COA1: variants seen among roughly 807,000 people sequenced by gnomAD.
The protein encoded by COA1 is cytochrome c oxidase assembly factor 1 homolog.
In COA1, 13 loss-of-function variants were observed where a neutral mutation model predicts 16.0. The observed-to-expected ratio is 0.81, with a 90% confidence interval of 0.53 to 1.29. The LOEUF is 1.29. Among genes scored for constraint, COA1 ranks in the 50% most tolerant of loss-of-function variants. The pLI is 0.00. For synonymous variants in COA1, 65 were observed against 65.7 expected, an observed-to-expected ratio of 0.99 and a Z score of 0.05; for missense variants, 179 against 177.0, an observed-to-expected ratio of 1.01 and a Z score of -0.06.
intron 1 of COA1, among the ~76,000 whole-genome samples, chr7:43,693,892 T>G (rs1226132272): frequency 6.6e-6 from 1 of 152,064 alleles, no homozygotes; most frequent in East Asian, 1.9e-4. Flanking sequence ...CAAGTGGACC[T>G]TGGTACAGCC....
chr7:43,655,692 T>C (rs2091610041), intron 1 of COA1, among the ~76,000 whole-genome samples: 1 of 152,250 alleles, frequency 6.6e-6, no homozygotes, highest in African/African-American at 2.4e-5. Flanking sequence ...ACATATAAAA[T>C]GTAGGTAAAG....
chr7:43,688,350 AT>A, intron 1 of COA1, among the ~76,000 whole-genome samples: 1 of 139,576 alleles, frequency 7.2e-6, no homozygotes, highest in Non-Finnish European at 1.7e-5. Flanking sequence ...TATTTTTATG[AT>A]AAAAAAACTT....
At chr7:43,660,908 CT>C (rs1336980891) in intron 1 of COA1, among the ~76,000 whole-genome samples, 1 of 152,170 alleles carries the variant, frequency 6.6e-6, no homozygotes, top group East Asian at 1.9e-4. Context: ...AAAATCTAAG[CT>C]TCTTTGCATT....
chr7:43,623,119 C>G (rs926561253), intron 6 of COA1: 3 of 153,676 alleles, frequency 2.0e-5, no homozygotes, highest in African/African-American at 7.3e-5. Context: ...AAAAAGCTCA[C>G]TCTGACTGCA....
chr7:43,664,103 A>AAGATAGAGAGAGAGAGAG (rs2092697553), intron 1 of COA1, among the ~76,000 whole-genome samples: 1 of 135,144 alleles, frequency 7.4e-6, no homozygotes, highest in Non-Finnish European at 1.5e-5. Context: ...TGTCTTTAGA[A>AAGATAGAGAGAGAGAGAG]AGAGAGAGAG....
chr7:43,709,918 A>C (rs1182216888), intron 1 of COA1, among the ~76,000 whole-genome samples: 1 of 152,198 alleles, frequency 6.6e-6, no homozygotes, highest in Non-Finnish European at 1.5e-5. Context: ...TGAACCTAGA[A>C]ATGTCTCTGT....
rs1482939568 is a variant in COA1, at chr7:43,658,723, AG to A, written c.-38-10072del. On this transcript the variant is annotated intron_variant, in intron 1 of 5. Transcript: ENST00000223336. ...ATATCATGACATACTAGAATATGAA[AG>A]GGGGAAGCGCAATTTTAATGTGGCA... 8 of 152,366 alleles carry A rather than the reference AG, an allele frequency of 5.3e-5. No homozygotes were observed. The East Asian group carries it at 1.5e-3, about 29-fold the overall frequency. 9.4% of individuals were successfully genotyped at this position (152,366 alleles called of 1,614,324 possible).
At chr7:43,628,312 TTG>T (rs140203355) in intron 6 of COA1, among the ~76,000 whole-genome samples, 22,275 of 152,132 alleles carry the variant, frequency 0.15, 2,169 homozygotes, top group Non-Finnish European at 0.21. Flanking sequence ...CTTTTTATTG[TTG>T]TGTCGTGCTA....
chr7:43,639,400 T>C lies in COA1; in HGVS notation c.*182A>G, dbSNP rs2086511156. 4 of 493,282 alleles carry C rather than the reference T, an allele frequency of 8.1e-6. No individual in the cohort carries two copies. The highest frequency in any genetic ancestry group is 3.4e-5 in the South Asian group (1 of 29,312). The allele number at this position is 493,282 out of a possible 1,614,324, so 30.6% of individuals were successfully genotyped here. ...GTTTAAAAATGACAAATAGCATTTGTTGTGCCCAAGTTAGAATTACACCAA... is the reference window on the plus strand; with the variant it reads ...GTTTAAAAATGACAAATAGCATTTGCTGTGCCCAAGTTAGAATTACACCAA... On this transcript the variant is annotated 3_prime_UTR_variant, in exon 6 of 6. Transcript: ENST00000223336.
intron 1 of COA1, among the ~76,000 whole-genome samples, chr7:43,710,375 A>AAAAAAAAAAATAT (rs761592421): frequency 2.7e-5 from 1 of 36,434 alleles, no homozygotes; most frequent in Non-Finnish European, 4.7e-5. Flanking sequence ...AAAAAAAAAA[A>AAAAAAAAAAATAT]ATATATATAT....
intron 1 of COA1, among the ~76,000 whole-genome samples, chr7:43,697,140 A>G (rs1025458915): frequency 1.3e-5 from 2 of 151,800 alleles, no homozygotes; most frequent in Non-Finnish European, 2.9e-5. Context: ...AACAAAAAAC[A>G]AATAAAAAAA....
At chr7:43,633,514 C>T (rs2085375982) in intron 6 of COA1, 1 of 152,068 alleles carries the variant, frequency 6.6e-6, no homozygotes, top group African/African-American at 2.4e-5. Context: ...GTTCATCGTG[C>T]CCAAAACAAT....
chr7:43,675,858 A>T (rs1278269716), intron 1 of COA1, among the ~76,000 whole-genome samples: 2 of 152,162 alleles, frequency 1.3e-5, no homozygotes, highest in African/African-American at 4.8e-5. Flanking sequence ...ATCTAATTCT[A>T]ACACTAGATT....
At chr7:43,699,282 A>AG (rs2094627462) in intron 1 of COA1, among the ~76,000 whole-genome samples, 1 of 152,208 alleles carries the variant, frequency 6.6e-6, no homozygotes, top group Admixed American at 6.5e-5. Flanking sequence ...AGAAGTACCT[A>AG]GTTCATAACT....
intron 1 of COA1, among the ~76,000 whole-genome samples, chr7:43,717,693 CG>C (rs561054503): frequency 6.8e-4 from 102 of 150,914 alleles, no homozygotes; most frequent in African/African-American, 2.2e-3. Context: ...TGGCAGGGGC[CG>C]GGGGGGGAAC....
At chr7:43,619,787 C>T in intron 6 of COA1, 4 of 1,575,118 alleles carry the variant, frequency 2.5e-6, no homozygotes, top group Non-Finnish European at 3.5e-6. Context: ...GGGACTTGTC[C>T]ATGTGGCATG....
chr7:43,627,713 G>A (rs1219328759), intron 6 of COA1, among the ~76,000 whole-genome samples: 1 of 152,138 alleles, frequency 6.6e-6, no homozygotes, highest in Non-Finnish European at 1.5e-5. Flanking sequence ...AACCTCGAGA[G>A]CCTTAATCAC....
intron 4 of COA1, among the ~76,000 whole-genome samples, chr7:43,644,710 T>TTAGATGATAGATAGATAGA (rs1194512015): frequency 1.8e-5 from 1 of 56,932 alleles, no homozygotes; most frequent in African/African-American, 6.5e-5. Context: ...GATAGATAGA[T>TTAGATGATAGATAGATAGA]TAGATAGATA....
chr7:43,702,531 T>C (rs763556577), intron 1 of COA1, among the ~76,000 whole-genome samples: 2 of 152,190 alleles, frequency 1.3e-5, no homozygotes, highest in Non-Finnish European at 2.9e-5. Context: ...GATAATATGA[T>C]GCCTCCAACT....
Sources: gnomAD v4.1 joint callset for allele counts (sites outside exome capture counted in the v4.1 genomes callset) on GRCh38, gnomAD v4.1.1 for gene constraint, MANE v1.5 for transcripts, NCBI Gene and HGNC (gene_info 2026-07-23, HGNC 2026-07-21) for gene names.